Variants in MFN2 observed in about 807,000 individuals in gnomAD.
MFN2 encodes mitofusin-2.
In MFN2, 43 loss-of-function variants were observed where a neutral mutation model predicts 87.5. The observed-to-expected ratio is 0.49, with a 90% CI of 0.38 to 0.63. The LOEUF is 0.63. MFN2 is among the 30% of genes least tolerant of loss of function. The probability of loss-of-function intolerance (pLI) is 0.00; values close to 1 mark genes in which losing one functional copy is unlikely to be tolerated. For synonymous variants in MFN2, 337 were observed against 359.9 expected (o/e 0.94, Z 0.72); for missense variants, 743 against 972.8 (o/e 0.76, Z 3.14).
At position 12,001,436 on chromosome 1, in the gene MFN2, C is replaced by T. The variant is rs1420158447; in HGVS notation, c.852C>T (p.Phe284=). 8.1e-6 allele frequency: 13 copies of T among 1,613,938 alleles called. No homozygotes were observed. The highest frequency in any genetic ancestry group is 1.1e-5 in the Non-Finnish European group (13 of 1,179,914). ...AGCACATGGAGCGTTGTACCAGCTT[C>T]CTGGTGGATGAGCTGGGCGTGGTGG... is the stretch of plus-strand genomic sequence containing the variant. ...RRQHMERCTS[F]LVDELGVVDR... Residue 284 remains phenylalanine, a synonymous_variant, in exon 9 of 19, where the codon TTC becomes TTT. Coordinates refer to ENST00000235329, the MANE Select transcript of MFN2 (RefSeq NM_014874.4).
rs771043011 is a variant in MFN2 at position 12,006,583 on chromosome 1, C to T, written c.1762C>T (p.Pro588Ser). The T allele has an allele frequency of 5.6e-6, 9 of 1,614,136 alleles. No homozygotes were observed. In the African/African-American group the frequency reaches 8.0e-5, roughly 14 times the overall value. Residue 588 changes from proline to serine, a missense_variant, in exon 16 of 19, where the codon CCA becomes TCA. Pro to Ser is a moderately conservative substitution (Grantham distance 74). Coordinates refer to ENST00000235329, the MANE Select transcript of MFN2 (RefSeq NM_014874.4). ...PLTPANPSMP[P>S]LPQGSLTQEE... is the part of the protein sequence containing the mutation. ...GACGCCAGCCAACCCCAGCATGCCCCCACTGCCACAGGGCTCGCTCACCCA... is the reference window on the plus strand; with the variant it reads ...GACGCCAGCCAACCCCAGCATGCCCTCACTGCCACAGGGCTCGCTCACCCA...
chr1:11,996,239 G>A lies in MFN2; in HGVS notation c.395G>A (p.Cys132Tyr), dbSNP rs1569830013. The A allele has an allele frequency of 6.2e-7, 1 of 1,614,130 alleles. No homozygotes were observed. The highest frequency in any genetic ancestry group is 1.7e-5 in the Admixed American group (1 of 60,010). Residue 132 changes from cysteine (C) to tyrosine (Y), a missense_variant, in exon 5 of 19, where the codon TGC becomes TAC. By Grantham distance (194) the Cys-to-Tyr change is radical (BLOSUM62 -2). Around this residue, in one of 3 missense-constraint regions of MFN2, gnomAD observed 141 missense variants for 278.9 expected, o/e 0.51. Transcript: ENST00000235329. ...LPSGIGHTTN[C>Y]FLRVEGTDGH... ...TCTGGGATTGGCCACACCACCAATT[G>A]CTTCCTGCGGGTAGAGGGCACAGAT...
chr1:11,993,199 A>G (rs1375985333), intron 4 of MFN2, among the ~76,000 whole-genome samples: 2 of 151,936 alleles, frequency 1.3e-5, no homozygotes. Flanking sequence ...GAATTTGACT[A>G]TTCTAGATGT....
At chr1:12,006,445 G>A in intron 15 of MFN2, 93 bp from the exon 16 acceptor site, 7 of 1,528,996 alleles carry the variant, frequency 4.6e-6, no homozygotes, top group Non-Finnish European at 6.3e-6. Flanking sequence ...GCCACTCTGT[G>A]TCCCTGTTCC....
intron 3 of MFN2, 62 bp downstream of exon 3, chr1:11,989,405 T>A: frequency 1.3e-6 from 2 of 1,580,828 alleles, no homozygotes; most frequent in Non-Finnish European, 1.7e-6. Flanking sequence ...GCTAGTGGGA[T>A]TTGCGGGTGG....
chr1:12,006,306 C>T (rs912321837), intron 15 of MFN2, among the ~76,000 whole-genome samples: 5 of 152,234 alleles, frequency 3.3e-5, no homozygotes, highest in South Asian at 2.1e-4. Context: ...ATCCCACACT[C>T]GGGGAAGCTG....
rs536213484 is a variant in MFN2 at position 11,992,287 on chromosome 1, G to A, written c.176-268G>A. ...TCCGTTTTGTGCTTAAGGAAACTAA[G>A]ACCCAGAAAGGTTCTTTTGCTTGAG... On this transcript the variant is annotated intron_variant, in intron 3 of 18. Coordinates refer to ENST00000235329, the MANE Select transcript of MFN2 (RefSeq NM_014874.4). 5 of 514,166 alleles carry A rather than the reference G, an allele frequency of 9.7e-6. No homozygotes were observed. The East Asian group carries it at 1.8e-4, about 18-fold the overall frequency. 31.9% of individuals were successfully genotyped at this position (514,166 alleles called of 1,614,324 possible).
At chr1:11,987,185 G>A (rs1237392318) in intron 2 of MFN2, among the ~76,000 whole-genome samples, 2 of 151,618 alleles carry the variant, frequency 1.3e-5, no homozygotes, top group African/African-American at 2.4e-5. Context: ...GTACATGCCC[G>A]TACTCCAAGC....
At chr1:11,990,785 C>T (rs943190587) in intron 3 of MFN2, among the ~76,000 whole-genome samples, 10 of 152,134 alleles carry the variant, frequency 6.6e-5, no homozygotes, top group African/African-American at 2.2e-4. Flanking sequence ...CAGCTTCCTC[C>T]GAGGGACATT....
intron 11 of MFN2, among the ~76,000 whole-genome samples, chr1:12,002,359 T>C (rs1260987120): frequency 6.6e-6 from 1 of 152,264 alleles, no homozygotes; most frequent in East Asian, 1.9e-4. Context: ...CATGCCCTGC[T>C]GAGCTCTGCA....
At chr1:12,009,197 A>AG (rs1557536757) in intron 17 of MFN2, among the ~76,000 whole-genome samples, 1 of 151,888 alleles carries the variant, frequency 6.6e-6, no homozygotes, top group Non-Finnish European at 1.5e-5. Context: ...GTGGAAAGAG[A>AG]GGGAGAGGGA....
chr1:11,994,010 C>T (rs1209192779), intron 4 of MFN2, among the ~76,000 whole-genome samples: 2 of 152,188 alleles, frequency 1.3e-5, no homozygotes, highest in Non-Finnish European at 2.9e-5. Context: ...AACACTTCCA[C>T]AGCTGTAGTC....
intron 2 of MFN2, among the ~76,000 whole-genome samples, chr1:11,984,323 T>C (rs576215934): frequency 1.3e-5 from 2 of 152,266 alleles, no homozygotes; most frequent in East Asian, 3.9e-4. Flanking sequence ...GTGGTGTGAG[T>C]TGGCGGAGTT....
At chr1:12,005,582 GGTGT>G (rs1252720697) in intron 14 of MFN2, 125 bp from the exon 15 acceptor site, 4 of 967,608 alleles carry the variant, frequency 4.1e-6, no homozygotes, top group Non-Finnish European at 6.6e-6. Context: ...ACTTGACTGG[GGTGT>G]GGTTCCCAGG....
intron 1 of MFN2, among the ~76,000 whole-genome samples, chr1:11,981,034 C>T (rs1442253791): frequency 6.6e-6 from 1 of 152,132 alleles, no homozygotes; most frequent in African/African-American, 2.4e-5. Context: ...GCAGAACTGC[C>T]CGTTACCCCC....
rs1294096444 is a variant in MFN2, at chr1:11,998,949, T to G, written c.709-39T>G. 6.8e-6 allele frequency: 11 copies of G among 1,613,002 alleles called. 1 individual carries two copies. The highest frequency in any genetic ancestry group is 7.6e-6 in the Non-Finnish European group (9 of 1,178,974). ...CAGGCAGCTGATGGGGCCTTGGCTGTCAAGCTCCTGCTCCACCGAGGTCTT... is the reference window on the plus strand; with the variant it reads ...CAGGCAGCTGATGGGGCCTTGGCTGGCAAGCTCCTGCTCCACCGAGGTCTT... On this transcript the variant is annotated intron_variant, in intron 7 of 18. Transcript: ENST00000235329.
chr1:12,007,076 G>A lies in MFN2; in HGVS notation c.1896G>A (p.Arg632=). Reference sequence around the variant, plus strand: ...AGGTGTGGAAGGCAGTGGGCTGGCGGCTCATTGCCCTCTCCTTTGGGCTCT... The same window carrying A: ...AGGTGTGGAAGGCAGTGGGCTGGCGACTCATTGCCCTCTCCTTTGGGCTCT... ...GGVVWKAVGW[R]LIALSFGLYG... The change falls in exon 17 of 19, where the codon CGG becomes CGA. Residue 632 remains arginine (R), a synonymous_variant. Transcript: ENST00000235329. 1.2e-6 allele frequency: 2 copies of A among 1,613,902 alleles called. No individual in the cohort carries two copies. Among genetic ancestry groups the A allele is most frequent in the Non-Finnish European group, 1.7e-6 (2 of 1,180,030 alleles).
In MFN2 at chr1:12,013,359, ATTG is replaced by A. The variant is rs140537612; in HGVS notation, c.*1800_*1802del. ...CCAAAAGCACTTTAATGCTGCTGACATTGTTGTTTTTATGTTCATTTGCTGGAG... is the reference window on the plus strand; with the variant it reads ...CCAAAAGCACTTTAATGCTGCTGACATTGTTTTTATGTTCATTTGCTGGAG... On this transcript the variant is annotated 3_prime_UTR_variant, in exon 19 of 19. Coordinates refer to ENST00000235329, the MANE Select transcript of MFN2 (RefSeq NM_014874.4). 5.5e-4 allele frequency: 259 copies of A among 471,344 alleles called. 4 individuals carry two copies. The East Asian group carries it at 0.014, about 25-fold the overall frequency. The allele number at this position is 471,344 out of a possible 1,614,324, so 29.2% of individuals were successfully genotyped here. A position where few individuals can be genotyped will look rare whatever the true frequency, so the allele number is the denominator to read the frequency against.
chr1:12,011,636 C>A lies in MFN2; in HGVS notation c.*71C>A, dbSNP rs1164767218. On this transcript the variant is annotated 3_prime_UTR_variant, in exon 19 of 19. Transcript: ENST00000235329. ...GCCCTAAGTGCCATGTGGGCTCCCC[C>A]AGGGGCACGTGTGGCTCCTGCCCCC... is the stretch of plus-strand genomic sequence containing the variant. 3.3e-6 allele frequency: 5 copies of A among 1,536,176 alleles called. No homozygotes were observed. The highest frequency in any genetic ancestry group is 1.1e-5 in the South Asian group (1 of 89,462).
Sources: allele counts gnomAD v4.1 joint callset (sites outside exome capture counted in the v4.1 genomes callset), GRCh38; gene constraint gnomAD v4.1.1; regional missense constraint gnomAD v4.1.1; transcripts MANE v1.5; gene names NCBI Gene and HGNC (gene_info 2026-07-23, HGNC 2026-07-21).